The following LRMDA variants were observed in gnomAD, a reference collection of about 807,000 sequenced individuals.
The protein encoded by LRMDA is leucine-rich melanocyte differentiation-associated protein.
Under a neutral mutation model 29.8 loss-of-function variants are expected in LRMDA, and 18 were observed. The observed-to-expected ratio is 0.60, with a 90% CI of 0.42 to 0.90. The LOEUF is 0.90. Among genes scored for constraint, LRMDA ranks in the 40% least tolerant of loss-of-function variants. LRMDA has a pLI of 0.00. For synonymous variants in LRMDA, 125 were observed against 109.4 expected (o/e 1.14, Z -0.89); for missense variants, 273 against 273.9 (o/e 1.00, Z 0.02).
chr10:75,880,943 G>T (rs1845284538), intron 2 of LRMDA, among the ~76,000 whole-genome samples: 1 of 152,114 alleles, frequency 6.6e-6, no homozygotes, highest in South Asian at 2.1e-4. Flanking sequence ...GTTCATGAGA[G>T]GTCATCTGAC....
At chr10:76,009,194 C>T (rs958424010) in intron 2 of LRMDA, among the ~76,000 whole-genome samples, 11 of 152,148 alleles carry the variant, frequency 7.2e-5, no homozygotes, top group African/African-American at 2.7e-4. Context: ...CTAAAAACAC[C>T]CCTTTCTGCC....
At chr10:76,005,679 C>T (rs1003181974) in intron 2 of LRMDA, among the ~76,000 whole-genome samples, 8 of 151,996 alleles carry the variant, frequency 5.3e-5, no homozygotes, top group African/African-American at 1.9e-4. Context: ...ACCTGAAATC[C>T]CAGCACTTTG....
At chr10:76,102,927 G>A (rs1329042802) in intron 5 of LRMDA, among the ~76,000 whole-genome samples, 1 of 152,150 alleles carries the variant, frequency 6.6e-6, no homozygotes, top group Non-Finnish European at 1.5e-5. Context: ...GCTGGGATTA[G>A]ATGTGAGCCA....
intron 6 of LRMDA, among the ~76,000 whole-genome samples, chr10:76,369,968 G>A (rs1329401017): frequency 2.6e-5 from 4 of 152,122 alleles, no homozygotes; most frequent in African/African-American, 9.7e-5. Context: ...ACAAATAACA[G>A]TATCTGGAGC....
At position 76,036,054 on chromosome 10, in the gene LRMDA, T is replaced by C. The variant is rs772780995; in HGVS notation, c.178T>C (p.Leu60=). ...SAFRSLEELI[L]DNNQLGDDLV... ...ATTCAGGAGCCTGGAGGAACTCATC[T>C]TGGACAACAATCAGCTGGGGGACGA... The change falls in exon 3 of 7, where the codon TTG becomes CTG. Residue 60 remains leucine, a synonymous_variant. Transcript: ENST00000611255. 2.5e-6 allele frequency: 4 copies of C among 1,614,170 alleles called. No homozygotes were observed. In the South Asian group the frequency reaches 3.3e-5, roughly 13 times the overall value.
chr10:75,802,711 C>T (rs76343643), intron 2 of LRMDA, among the ~76,000 whole-genome samples: 11 of 151,730 alleles, frequency 7.2e-5, no homozygotes, highest in East Asian at 5.8e-4. Flanking sequence ...ATAATAAGTG[C>T]GTAGAAAGCA....
intron 2 of LRMDA, among the ~76,000 whole-genome samples, chr10:75,735,799 GT>G (rs1842754722): frequency 6.6e-6 from 1 of 152,148 alleles, no homozygotes; most frequent in Admixed American, 6.5e-5. Flanking sequence ...ATATTCACGA[GT>G]CCACCCGAGT....
chr10:75,878,745 C>T (rs1257954703), intron 2 of LRMDA, among the ~76,000 whole-genome samples: 4 of 152,128 alleles, frequency 2.6e-5, no homozygotes, highest in Non-Finnish European at 5.9e-5. Flanking sequence ...CCAGCACTTC[C>T]CTGCCCCCTC....
intron 5 of LRMDA, among the ~76,000 whole-genome samples, chr10:76,201,406 T>C (rs1326984530): frequency 6.6e-6 from 1 of 152,184 alleles, no homozygotes; most frequent in East Asian, 1.9e-4. Context: ...CCTATATTAT[T>C]ATTGAAGAAA....
chr10:76,531,027 T>C (rs1355090589), intron 6 of LRMDA, among the ~76,000 whole-genome samples: 4 of 152,172 alleles, frequency 2.6e-5, no homozygotes, highest in Admixed American at 2.6e-4. Context: ...AGAGGACTTA[T>C]CATTCTAGGT....
At chr10:76,226,435 T>C (rs923944321) in intron 5 of LRMDA, among the ~76,000 whole-genome samples, 2 of 151,674 alleles carry the variant, frequency 1.3e-5, no homozygotes, top group Non-Finnish European at 2.9e-5. Flanking sequence ...ATACAAAAAT[T>C]AGCCGGGCAT....
rs1350652201 is a variant in LRMDA, at chr10:76,532,581, G to A, written c.602-24628G>A. 2.0e-5 allele frequency among the ~76,000 whole-genome samples: 3 copies of A among 152,168 alleles called. No homozygotes were observed. The East Asian group carries it at 5.8e-4, about 29-fold the overall frequency. ...TGTGCTGCAGTGGGATATGTGTAGTGGTTGTGTGATGGGTAGTGCACAGAA... is the reference window on the plus strand; with the variant it reads ...TGTGCTGCAGTGGGATATGTGTAGTAGTTGTGTGATGGGTAGTGCACAGAA... On this transcript the variant is annotated intron_variant, in intron 6 of 6. Transcript: ENST00000611255.
chr10:76,442,919 T>C (rs1254573322), intron 6 of LRMDA, among the ~76,000 whole-genome samples: 1 of 152,184 alleles, frequency 6.6e-6, no homozygotes, highest in African/African-American at 2.4e-5. Context: ...ATTTCTTTAT[T>C]TGGATGGACA....
intron 2 of LRMDA, among the ~76,000 whole-genome samples, chr10:75,514,096 A>G (rs1845259148): frequency 6.6e-6 from 1 of 151,276 alleles, no homozygotes; most frequent in Non-Finnish European, 1.5e-5. Flanking sequence ...GTTCTCCAGA[A>G]CCTAAACACT....
At chr10:75,590,124 A>G (rs1260195883) in intron 2 of LRMDA, among the ~76,000 whole-genome samples, 1 of 151,550 alleles carries the variant, frequency 6.6e-6, no homozygotes, top group East Asian at 1.9e-4. Context: ...GGCTCAGGTA[A>G]TCCTTCCCCT....
chr10:76,212,870 G>A (rs1851660868), intron 5 of LRMDA, among the ~76,000 whole-genome samples: 1 of 152,132 alleles, frequency 6.6e-6, no homozygotes, highest in Non-Finnish European at 1.5e-5. Flanking sequence ...AAGCAATGTG[G>A]GGGTGGGGGG....
At position 76,363,937 on chromosome 10, in the gene LRMDA, T is replaced by C. The variant is rs948950293; in HGVS notation, c.601+39452T>C. ...CTGATTTCCTCTTAACTAGCTCTAATAACTTTGGGAAGATCACTTCACCTT... is the reference window on the plus strand; with the variant it reads ...CTGATTTCCTCTTAACTAGCTCTAACAACTTTGGGAAGATCACTTCACCTT... On this transcript the variant is annotated intron_variant, in intron 6 of 6. Coordinates refer to ENST00000611255, the MANE Select transcript of LRMDA (RefSeq NM_001305581.2). Among the ~76,000 whole-genome samples, 14 of 152,306 alleles carry C rather than the reference T, an allele frequency of 9.2e-5. 1 individual carries two copies. The highest frequency in any genetic ancestry group is 3.4e-4 in the African/African-American group (14 of 41,562).
At position 76,194,029 on chromosome 10, in the gene LRMDA, C is replaced by T. The variant is rs560513611; in HGVS notation, c.517-130372C>T. Reference sequence around the variant, plus strand: ...AGGGAGTAGAGCCAGTGCAAAGGTACAGAGACTTGAAGGGACAGGATATAG... The same window carrying T: ...AGGGAGTAGAGCCAGTGCAAAGGTATAGAGACTTGAAGGGACAGGATATAG... On this transcript the variant is annotated intron_variant, in intron 5 of 6. Transcript: ENST00000611255. 5.1e-4 allele frequency among the ~76,000 whole-genome samples: 77 copies of T among 152,260 alleles called. 3 individuals carry two copies. The South Asian group carries it at 0.016, about 31-fold the overall frequency.
intron 5 of LRMDA, among the ~76,000 whole-genome samples, chr10:76,127,167 G>A (rs1261239345): frequency 6.6e-6 from 1 of 152,106 alleles, no homozygotes; most frequent in Non-Finnish European, 1.5e-5. Flanking sequence ...GTAGAAATAA[G>A]GTCATTTTTT....
Sources: gnomAD v4.1 joint callset for allele counts (sites outside exome capture counted in the v4.1 genomes callset) on GRCh38, gnomAD v4.1.1 for gene constraint, MANE v1.5 for transcripts, NCBI Gene and HGNC (gene_info 2026-07-23, HGNC 2026-07-21) for gene names.